Variants in PCTP observed in about 807,000 individuals in gnomAD.
PCTP encodes START domain-containing protein 2.
A neutral mutation model predicts 31.0 loss-of-function variants in PCTP; 27 were observed. The observed-to-expected ratio is 0.87, with a 90% CI of 0.64 to 1.20. The LOEUF is 1.20. Among genes scored for constraint, PCTP ranks in the 50% most tolerant of loss-of-function variants. The pLI is 0.00. For missense variants in PCTP, 287 were observed against 268.2 expected (o/e 1.07, Z -0.49); for synonymous variants, 108 against 101.2 (o/e 1.07, Z -0.40).
At chr17:55,830,444 G>A (rs8079136) in intron 5 of PCTP, among the ~76,000 whole-genome samples, 16,934 of 151,936 alleles carry the variant, frequency 0.11, 1,208 homozygotes, top group East Asian at 0.35. Flanking sequence ...TTAGCTTTAG[G>A]TTTTGCCAGT....
intron 3 of PCTP, among the ~76,000 whole-genome samples, chr17:55,821,416 G>A (rs2145064432): frequency 6.6e-6 from 1 of 152,212 alleles, no homozygotes; most frequent in East Asian, 1.9e-4. Flanking sequence ...TTTTGGGGGT[G>A]ATAAAATGTT....
chr17:55,811,776 C>T (rs4129589), intron 3 of PCTP, among the ~76,000 whole-genome samples: 8,917 of 152,258 alleles, frequency 0.059, 260 homozygotes, highest in Admixed American at 0.065. Flanking sequence ...CTTGTGATCA[C>T]ACTCCTTGTC....
At chr17:55,802,569 T>C (rs148925333) in intron 3 of PCTP, among the ~76,000 whole-genome samples, 429 of 152,274 alleles carry the variant, frequency 2.8e-3, no homozygotes, top group African/African-American at 9.2e-3. Flanking sequence ...GTTCAACATA[T>C]GCAAATCAAT....
At chr17:55,763,995 AG>A (rs1326666256) in intron 1 of PCTP, among the ~76,000 whole-genome samples, 3 of 152,200 alleles carry the variant, frequency 2.0e-5, no homozygotes, top group African/African-American at 4.8e-5. Flanking sequence ...GAATGTTTAA[AG>A]GAAGTTGTCG....
At chr17:55,804,360 C>G (rs972627011) in intron 3 of PCTP, among the ~76,000 whole-genome samples, 3 of 152,204 alleles carry the variant, frequency 2.0e-5, no homozygotes, top group African/African-American at 7.2e-5. Flanking sequence ...AATCCCATTA[C>G]TGGGTATATG....
chr17:55,846,807 T>C (rs1224623290), downstream of PCTP, among the ~76,000 whole-genome samples: 2 of 152,222 alleles, frequency 1.3e-5, no homozygotes, highest in Non-Finnish European at 2.9e-5. Flanking sequence ...AAATCTGTTC[T>C]GATTTAAAAA....
intron 3 of PCTP, 179 bp from the exon 4 acceptor site, chr17:55,773,545 T>G: frequency 3.5e-6 from 2 of 568,610 alleles, no homozygotes; most frequent in South Asian, 4.6e-5. Context: ...CTAGGTGGTG[T>G]GAGGCACAGT....
intron 3 of PCTP, among the ~76,000 whole-genome samples, chr17:55,794,016 A>G (rs1232217021): frequency 6.6e-6 from 1 of 152,154 alleles, no homozygotes; most frequent in African/African-American, 2.4e-5. Flanking sequence ...AGTTGGCTGC[A>G]TTGCAGAAAT....
chr17:55,758,225 A>C (rs1206225186), intron 1 of PCTP, among the ~76,000 whole-genome samples: 2 of 152,212 alleles, frequency 1.3e-5, no homozygotes, highest in African/African-American at 4.8e-5. Flanking sequence ...CACTGTGAGA[A>C]GGGGCAGCCT....
chr17:55,774,119 C>A (rs1483275092), intron 4 of PCTP, among the ~76,000 whole-genome samples: 4 of 152,364 alleles, frequency 2.6e-5, no homozygotes, highest in Non-Finnish European at 4.4e-5. Flanking sequence ...AGTCTATTTT[C>A]TCCAGACTCA....
intron 3 of PCTP, among the ~76,000 whole-genome samples, chr17:55,820,083 G>C (rs991985104): frequency 6.6e-6 from 1 of 151,906 alleles, no homozygotes; most frequent in Admixed American, 6.6e-5. Flanking sequence ...GAAAACATAG[G>C]GGCAAATTTT....
chr17:55,789,726 A>G (rs934821112), intron 3 of PCTP, among the ~76,000 whole-genome samples: 15 of 152,210 alleles, frequency 9.9e-5, no homozygotes, highest in African/African-American at 3.4e-4. Flanking sequence ...CCAGAGGTAC[A>G]AGGAGGAACT....
chr17:55,787,511 T>A (rs1911789916), intron 2 of PCTP: 1 of 151,818 alleles, frequency 6.6e-6, no homozygotes. Context: ...CACGCCACCA[T>A]ACCCGGTGAA....
At chr17:55,814,926 A>C (rs1364772926) in intron 3 of PCTP, among the ~76,000 whole-genome samples, 1 of 152,134 alleles carries the variant, frequency 6.6e-6, no homozygotes. Flanking sequence ...TTTTTTACTG[A>C]ACCCTCAGCT....
At chr17:55,770,547 C>T (rs1160564900) in intron 2 of PCTP, 2 of 152,184 alleles carry the variant, frequency 1.3e-5, no homozygotes, top group African/African-American at 2.4e-5. Context: ...ATTGATTATG[C>T]TATAGAATGG....
At position 55,800,077 on chromosome 17, in the gene PCTP, C is replaced by A. The variant is rs186246196; in HGVS notation, c.317+12423C>A. Among the ~76,000 whole-genome samples, 5 of 152,100 alleles carry A rather than the reference C, an allele frequency of 3.3e-5. No homozygotes were observed. The South Asian group carries it at 1.0e-3, about 32-fold the overall frequency. ...TGGGGTTGCTTTTCTCGAGGAGTATCTTTGCGGTGTTCTCTGTATTTCCTG... is the reference window on the plus strand; with the variant it reads ...TGGGGTTGCTTTTCTCGAGGAGTATATTTGCGGTGTTCTCTGTATTTCCTG... On this transcript the variant is annotated intron_variant, in intron 3 of 3. Coordinates refer to the PCTP transcript ENST00000572536.
In PCTP at chr17:55,815,364, C is replaced by T. The variant is rs149832729; in HGVS notation, c.318-7397C>T. 1.5e-3 allele frequency among the ~76,000 whole-genome samples: 229 copies of T among 152,250 alleles called. 3 individuals carry two copies. Among genetic ancestry groups the T allele is most frequent in the Middle Eastern group, 0.01 (3 of 294 alleles). ...CTTTTAAAATTAATCAAGCCCACTC[C>T]GCTAAAAGATAGATCACTTAAGCCT... On this transcript the variant is annotated intron_variant, in intron 3 of 3. Coordinates refer to the PCTP transcript ENST00000572536.
intron 2 of PCTP, chr17:55,770,384 A>C (rs1033811239): frequency 1.3e-5 from 2 of 152,222 alleles, no homozygotes; most frequent in African/African-American, 4.8e-5. Flanking sequence ...GTTCCAGGTT[A>C]GCTGTAATGG....
intron 5 of PCTP, among the ~76,000 whole-genome samples, chr17:55,841,042 CACGA>C (rs1905965220): frequency 6.6e-6 from 1 of 152,130 alleles, no homozygotes; most frequent in African/African-American, 2.4e-5. Context: ...ACATATCTTC[CACGA>C]ACAAGGTGGG....
Sources: gnomAD v4.1 joint callset for allele counts (sites outside exome capture counted in the v4.1 genomes callset) on GRCh38, gnomAD v4.1.1 for gene constraint, MANE v1.5 for transcripts, NCBI Gene and HGNC (gene_info 2026-07-23, HGNC 2026-07-21) for gene names.